The following TMEM106B variants were observed in gnomAD, a reference collection of about 807,000 sequenced individuals.
TMEM106B encodes the protein transmembrane protein 106B.
TMEM106B carries 15 observed loss-of-function variants against 31.1 expected under a neutral mutation model. The observed-to-expected ratio is 0.48, with a 90% confidence interval of 0.32 to 0.74. The LOEUF is 0.74. Ranked by LOEUF, TMEM106B falls within the 30% of genes least tolerant of loss-of-function variation. TMEM106B has a pLI of 0.03. For missense variants in TMEM106B, 283 were observed against 327.3 expected (o/e 0.86, Z 1.04); for synonymous variants, 126 against 112.5 (o/e 1.12, Z -0.76).
At position 12,236,089 on chromosome 7, in the gene TMEM106B, A is replaced by G. The variant is rs1782129826; in HGVS notation, c.*4114A>G. The G allele has an allele frequency of 1.3e-5, 2 of 151,956 alleles. No individual in the cohort carries two copies. The highest frequency in any genetic ancestry group is 4.8e-5 in the African/African-American group (2 of 41,446). The allele number at this position is 151,956 out of a possible 1,614,324, so 9.4% of individuals were successfully genotyped here. A position where few individuals can be genotyped will look rare whatever the true frequency, so the allele number is the denominator to read the frequency against. Reference sequence around the variant, plus strand: ...AAAATTATTTTTACATTACAACAATATATTTATGATGTGTTCAGATCAAAA... The same window carrying G: ...AAAATTATTTTTACATTACAACAATGTATTTATGATGTGTTCAGATCAAAA... On this transcript the variant is annotated 3_prime_UTR_variant, in exon 8 of 8. Transcript: ENST00000396668.
At chr7:12,229,049 G>A (rs1475204966) in intron 4 of TMEM106B, among the ~76,000 whole-genome samples, 1 of 151,924 alleles carries the variant, frequency 6.6e-6, no homozygotes, top group Non-Finnish European at 1.5e-5. Context: ...ATCATTTAGT[G>A]TCTATGGATT....
intron 4 of TMEM106B, among the ~76,000 whole-genome samples, chr7:12,226,311 G>A (rs1781900334): frequency 6.6e-6 from 1 of 152,058 alleles, no homozygotes; most frequent in Non-Finnish European, 1.5e-5. Flanking sequence ...CTCCAGCTTT[G>A]TTCTTTTTGC....
rs1782181602 is a variant in TMEM106B at position 12,238,449 on chromosome 7, G to A, written c.*6474G>A. 6.6e-6 allele frequency: 1 copy of A among 152,034 alleles called. No individual in the cohort carries two copies. The highest frequency in any genetic ancestry group is 1.5e-5 in the Non-Finnish European group (1 of 68,034). 9.4% of individuals were successfully genotyped at this position (152,034 alleles called of 1,614,324 possible). On this transcript the variant is annotated 3_prime_UTR_variant, in exon 8 of 8. Coordinates refer to ENST00000396668, the MANE Select transcript of TMEM106B (RefSeq NM_001134232.2). ...CAATTTCTTTCAAACTCCTGTTAAT[G>A]TTCATATTTAGACCTCTTCCCCTGA...
Position 12,233,156 on chromosome 7 carries a change from G to T in TMEM106B, c.*1181G>T. 1 of 149,196 alleles carries T rather than the reference G, an allele frequency of 6.7e-6. No individual in the cohort carries two copies. Among genetic ancestry groups the T allele is most frequent in the African/African-American group, 2.5e-5 (1 of 40,684 alleles). The allele number at this position is 149,196 out of a possible 1,614,324, so 9.2% of individuals were successfully genotyped here. On this transcript the variant is annotated 3_prime_UTR_variant, in exon 8 of 8. Coordinates refer to ENST00000396668, the MANE Select transcript of TMEM106B (RefSeq NM_001134232.2). ...ACTTTTTTATAGTTTTCTACTTTTG[G>T]TTTTATTTAAAATTGTTTTCAAATA...
intron 4 of TMEM106B, 81 bp from the exon 5 acceptor site, chr7:12,229,598 C>A: frequency 1.8e-6 from 2 of 1,124,688 alleles, no homozygotes; most frequent in Non-Finnish European, 2.5e-6. Flanking sequence ...AGCATAGCTA[C>A]AGCTGAAGTT....
chr7:12,234,233 T>C lies in TMEM106B; in HGVS notation c.*2258T>C, dbSNP rs1335930580. On this transcript the variant is annotated 3_prime_UTR_variant, in exon 8 of 8. Transcript: ENST00000396668. Reference sequence around the variant, plus strand: ...TCTTATATACTATTAGAGTGCATGATAGTATCTCCTGAAAAGGATGGAAAG... The same window carrying C: ...TCTTATATACTATTAGAGTGCATGACAGTATCTCCTGAAAAGGATGGAAAG... The C allele has an allele frequency of 6.6e-6, 1 of 151,864 alleles. No homozygotes were observed. The highest frequency in any genetic ancestry group is 2.4e-5 in the African/African-American group (1 of 41,428). The allele number at this position is 151,864 out of a possible 1,614,324, so 9.4% of individuals were successfully genotyped here. A position where few individuals can be genotyped will look rare whatever the true frequency, so the allele number is the denominator to read the frequency against.
intron 3 of TMEM106B, among the ~76,000 whole-genome samples, chr7:12,218,831 C>G (rs1373871726): frequency 6.6e-6 from 1 of 151,908 alleles, no homozygotes; most frequent in African/African-American, 2.4e-5. Flanking sequence ...CTCCACAACC[C>G]CAGGATAAAA....
At chr7:12,229,874 T>C in intron 5 of TMEM106B, 55 bp downstream of exon 5, 1 of 1,535,146 alleles carries the variant, frequency 6.5e-7, no homozygotes, top group East Asian at 2.3e-5. Flanking sequence ...CAGCTTTGTA[T>C]ATCATATAAC....
intron 6 of TMEM106B, 21 bp downstream of exon 6, chr7:12,230,459 A>G (rs756539391): frequency 6.9e-7 from 1 of 1,459,796 alleles, no homozygotes; most frequent in South Asian, 1.2e-5. Flanking sequence ...ATTTATAATA[A>G]CTTTTTATTG....
chr7:12,238,199 T>C lies in TMEM106B; in HGVS notation c.*6224T>C. ...CTTTATTGTCATTTCAGCAGTGGTC[T>C]CAGCATCTTCACCAGGAGTAGATTC... On this transcript the variant is annotated 3_prime_UTR_variant, in exon 8 of 8. Coordinates refer to ENST00000396668, the MANE Select transcript of TMEM106B (RefSeq NM_001134232.2). The C allele has an allele frequency of 6.0e-6, 1 of 167,622 alleles. No individual in the cohort carries two copies. 10.4% of individuals were successfully genotyped at this position (167,622 alleles called of 1,614,324 possible). A position where few individuals can be genotyped will look rare whatever the true frequency, so the allele number is the denominator to read the frequency against.
At chr7:12,212,522 C>A (rs1394201279) in intron 1 of TMEM106B, among the ~76,000 whole-genome samples, 1 of 150,268 alleles carries the variant, frequency 6.7e-6, no homozygotes, top group Non-Finnish European at 1.5e-5. Flanking sequence ...GTGAAAATCT[C>A]ATTTTACATT....
At position 12,237,045 on chromosome 7, in the gene TMEM106B, T is replaced by G. The variant is rs1782151457; in HGVS notation, c.*5070T>G. ...TTATATTATGTAGTAGCCTCCATCA[T>G]GACACACTTACTACATTTATGAATT... On this transcript the variant is annotated 3_prime_UTR_variant, in exon 8 of 8. Transcript: ENST00000396668. The G allele has an allele frequency of 6.6e-6, 1 of 150,452 alleles. No individual in the cohort carries two copies. The highest frequency in any genetic ancestry group is 2.1e-4 in the South Asian group (1 of 4,826). 9.3% of individuals were successfully genotyped at this position (150,452 alleles called of 1,614,324 possible).
chr7:12,234,013 A>G lies in TMEM106B; in HGVS notation c.*2038A>G, dbSNP rs1782080827. On this transcript the variant is annotated 3_prime_UTR_variant, in exon 8 of 8. Coordinates refer to ENST00000396668, the MANE Select transcript of TMEM106B (RefSeq NM_001134232.2). ...GACTGTGTAAAATAAAAAAAAAGTTATTTTATCATATCCTTTCTATTATGT... is the reference window on the plus strand; with the variant it reads ...GACTGTGTAAAATAAAAAAAAAGTTGTTTTATCATATCCTTTCTATTATGT... The G allele has an allele frequency of 6.6e-6, 1 of 151,672 alleles. No individual in the cohort carries two copies. The highest frequency in any genetic ancestry group is 2.4e-5 in the African/African-American group (1 of 41,390). The allele number at this position is 151,672 out of a possible 1,614,324, so 9.4% of individuals were successfully genotyped here.
rs760419159 is a variant in TMEM106B at position 12,214,919 on chromosome 7, A to G, written c.109A>G (p.Asn37Asp). ...TGGACTGGTTAATAGTGAAGTCCAT[A>G]ATGAAGATGGAAGAAATGGAGATGT... ...RNGLVNSEVH[N>D]EDGRNGDVSQ... The change falls in exon 2 of 8, where the codon AAT becomes GAT. Residue 37 changes from asparagine (N) to aspartate (D), a missense_variant. By Grantham distance (23) the Asn-to-Asp change is conservative. Transcript: ENST00000396668. 8.1e-6 allele frequency: 13 copies of G among 1,613,980 alleles called. No homozygotes were observed. In the East Asian group the frequency reaches 1.8e-4, roughly 22 times the overall value.
chr7:12,215,055 T>C (rs769667471), intron 2 of TMEM106B, 28 bp downstream of exon 2: 8 of 1,578,778 alleles, frequency 5.1e-6, no homozygotes, highest in Non-Finnish European at 6.9e-6. Context: ...GTTTTCCCTT[T>C]AAATGATTTT....
At chr7:12,220,041 A>C (rs187278483) in intron 3 of TMEM106B, among the ~76,000 whole-genome samples, 2 of 152,318 alleles carry the variant, frequency 1.3e-5, no homozygotes, top group Non-Finnish European at 1.5e-5. Flanking sequence ...AAAAGGATCA[A>C]TTAATTTATA....
chr7:12,220,573 A>G (rs1324450939), intron 3 of TMEM106B, among the ~76,000 whole-genome samples: 2 of 152,328 alleles, frequency 1.3e-5, no homozygotes, highest in Middle Eastern at 3.4e-3. Context: ...AGCTACACTT[A>G]GATGCCATTT....
At position 12,233,367 on chromosome 7, in the gene TMEM106B, A is replaced by T. The variant is rs1407801341; in HGVS notation, c.*1392A>T. ...TAATTTCGTTCTGTTTTCTCATGAC[A>T]GAAATCAGGTTTCCCTTTCCCCACC... On this transcript the variant is annotated 3_prime_UTR_variant, in exon 8 of 8. Coordinates refer to ENST00000396668, the MANE Select transcript of TMEM106B (RefSeq NM_001134232.2). The T allele has an allele frequency of 6.6e-6, 1 of 151,496 alleles. No individual in the cohort carries two copies. The highest frequency in any genetic ancestry group is 1.9e-4 in the East Asian group (1 of 5,176). 9.4% of individuals were successfully genotyped at this position (151,496 alleles called of 1,614,324 possible).
intron 3 of TMEM106B, 69 bp downstream of exon 3, chr7:12,218,590 G>C (rs1001923211): frequency 7.7e-7 from 1 of 1,291,876 alleles, no homozygotes; most frequent in East Asian, 2.5e-5. Context: ...TTCAAATTAT[G>C]TATAATAACT....
Sources: gnomAD v4.1 joint callset for allele counts (sites outside exome capture counted in the v4.1 genomes callset) on GRCh38, gnomAD v4.1.1 for gene constraint, MANE v1.5 for transcripts, NCBI Gene and HGNC (gene_info 2026-07-23, HGNC 2026-07-21) for gene names.